PRKAA2: variants seen among roughly 807,000 people sequenced by gnomAD.
PRKAA2 encodes 5'-AMP-activated protein kinase catalytic subunit alpha-2.
A neutral mutation model predicts 56.3 loss-of-function variants in PRKAA2; 40 were observed. That is an observed-to-expected ratio of 0.71 (90% CI 0.55 to 0.92). The LOEUF (loss-of-function observed/expected upper bound fraction) is 0.92, where lower values mean the gene tolerates loss of function less well. PRKAA2 is among the 40% of genes least tolerant of loss of function. The probability of loss-of-function intolerance (pLI) is 0.00; values close to 1 mark genes in which losing one functional copy is unlikely to be tolerated. For synonymous variants in PRKAA2, 214 were observed against 234.2 expected, an observed-to-expected ratio of 0.91 and a Z score of 0.79; for missense variants, 542 against 686.9, an observed-to-expected ratio of 0.79 and a Z score of 2.36.
chr1:56,707,617 C>A lies in PRKAA2; in HGVS notation c.1563C>A (p.Thr521=). 6.2e-7 allele frequency: 1 copy of A among 1,614,004 alleles called. No individual in the cohort carries two copies. Among genetic ancestry groups the A allele is most frequent in the Non-Finnish European group, 8.5e-7 (1 of 1,179,950 alleles). The change falls in exon 9 of 9, where the codon ACC becomes ACA. Residue 521 remains threonine (T), a synonymous_variant. Transcript: ENST00000371244. The stretch of plus-strand genomic sequence containing the variant: ...CTGGCTCTCTCACTGGCTCTTTGAC[C>A]GGAAGCACATTGTCTTCAGTTTCAC... ...SLSGSLTGSL[T]GSTLSSVSPR...
intron 2 of PRKAA2, among the ~76,000 whole-genome samples, chr1:56,680,897 G>A (rs1174573384): frequency 6.6e-6 from 1 of 152,158 alleles, no homozygotes; most frequent in Non-Finnish European, 1.5e-5. Context: ...CGGGTCAAAT[G>A]GTATTTCTAG....
intron 1 of PRKAA2, among the ~76,000 whole-genome samples, chr1:56,669,482 A>G (rs1175051239): frequency 6.6e-6 from 1 of 151,844 alleles, no homozygotes; most frequent in Non-Finnish European, 1.5e-5. Flanking sequence ...TTTTGGGGAC[A>G]TGCTGCTTGG....
At position 56,691,401 on chromosome 1, in the gene PRKAA2, G is replaced by C; in HGVS notation, c.244G>C (p.Val82Leu). 3 of 1,609,898 alleles carry C rather than the reference G, an allele frequency of 1.9e-6. No homozygotes were observed. Among genetic ancestry groups the C allele is most frequent in the Non-Finnish European group, 2.5e-6 (3 of 1,177,458 alleles). The stretch of plus-strand genomic sequence containing the variant: ...TTTTAATTAACAAAAAAGATACCAG[G>C]TGATCAGCACTCCAACAGATTTTTT... ...RHPHIIKLYQ[V>L]ISTPTDFFMV... Residue 82 changes from valine to leucine, a missense_variant, in exon 3 of 9, where the codon GTG (valine) becomes CTG (leucine). Around this residue, in one of 5 missense-constraint regions of PRKAA2, gnomAD observed 121 missense variants for 210.0 expected, o/e 0.58. Transcript: ENST00000371244.
At chr1:56,687,592 TG>T (rs1433443595) in intron 2 of PRKAA2, among the ~76,000 whole-genome samples, 1 of 152,124 alleles carries the variant, frequency 6.6e-6, no homozygotes, top group East Asian at 1.9e-4. Context: ...GTGATGGGTT[TG>T]TAGGTATTAC....
At position 56,689,897 on chromosome 1, in the gene PRKAA2, GACACACACACACAC is replaced by G. The variant is rs3034077; in HGVS notation, c.237-1470_237-1457del. Among the ~76,000 whole-genome samples the G allele has an allele frequency of 2.1e-3, 310 of 147,140 alleles. 1 individual carries two copies. The highest frequency in any genetic ancestry group is 7.0e-3 in the African/African-American group (280 of 39,958). On this transcript the variant is annotated intron_variant, in intron 2 of 8. Transcript: ENST00000371244. ...GGATGCCTAGAAACACAGACACACA[GACACACACACACAC>G]ACACACACACACACACACACACACA...
chr1:56,665,939 TCTG>T (rs1235798544), intron 1 of PRKAA2, among the ~76,000 whole-genome samples: 2 of 152,190 alleles, frequency 1.3e-5, no homozygotes, highest in Non-Finnish European at 2.9e-5. Context: ...TATTTTTTCT[TCTG>T]ATTCTTTTCC....
At chr1:56,705,926 C>T (rs1247235636) in intron 7 of PRKAA2, among the ~76,000 whole-genome samples, 166 bp from the exon 8 acceptor site, 1 of 152,030 alleles carries the variant, frequency 6.6e-6, no homozygotes, top group Non-Finnish European at 1.5e-5. Flanking sequence ...CCATACAGTA[C>T]TGCTTAGTGG....
intron 6 of PRKAA2, among the ~76,000 whole-genome samples, chr1:56,703,711 T>C (rs1287664683): frequency 2.0e-5 from 3 of 152,228 alleles, no homozygotes; most frequent in African/African-American, 7.2e-5. Flanking sequence ...GCAACAAATA[T>C]TGCTGGTTGT....
chr1:56,681,842 C>CT (rs1164756693), intron 2 of PRKAA2, among the ~76,000 whole-genome samples: 2 of 152,062 alleles, frequency 1.3e-5, no homozygotes, highest in African/African-American at 4.8e-5. Context: ...AATGTGGGCT[C>CT]TTTTTTGGTT....
At chr1:56,670,999 T>C (rs1332236050) in intron 1 of PRKAA2, among the ~76,000 whole-genome samples, 4 of 152,190 alleles carry the variant, frequency 2.6e-5, no homozygotes, top group Non-Finnish European at 5.9e-5. Context: ...TCAACGTTTC[T>C]TGCATATGCT....
intron 2 of PRKAA2, among the ~76,000 whole-genome samples, chr1:56,687,758 T>C (rs1644201673): frequency 6.6e-6 from 1 of 152,178 alleles, no homozygotes; most frequent in Admixed American, 6.5e-5. Flanking sequence ...TTCTAAAATC[T>C]CAATAGATTT....
At chr1:56,674,599 T>C (rs573031785) in intron 2 of PRKAA2, 77 bp downstream of exon 2, 1 of 1,217,448 alleles carries the variant, frequency 8.2e-7, no homozygotes, top group Non-Finnish European at 1.1e-6. Context: ...TAATAATTGT[T>C]AATTGTTAAC....
intron 6 of PRKAA2, among the ~76,000 whole-genome samples, chr1:56,703,770 T>A (rs1190729632): frequency 6.6e-6 from 1 of 152,234 alleles, no homozygotes. Flanking sequence ...GAAAATGTTG[T>A]CCAAATGCCA....
At chr1:56,649,833 G>T in intron 1 of PRKAA2, among the ~76,000 whole-genome samples, 1 of 152,142 alleles carries the variant, frequency 6.6e-6, no homozygotes, top group East Asian at 1.9e-4. Flanking sequence ...GGCGGCTCAC[G>T]CCTGTAATCC....
chr1:56,693,948 A>G, intron 5 of PRKAA2, 96 bp downstream of exon 5: 2 of 764,602 alleles, frequency 2.6e-6, no homozygotes, highest in Admixed American at 2.7e-5. Flanking sequence ...AGATTTTAAC[A>G]TGGTAGAAAT....
chr1:56,657,855 G>A (rs1354646586), intron 1 of PRKAA2, among the ~76,000 whole-genome samples: 1 of 152,052 alleles, frequency 6.6e-6, no homozygotes, highest in African/African-American at 2.4e-5. Flanking sequence ...CAATTTTTCA[G>A]GAGGAAAGAA....
At chr1:56,677,750 A>G (rs1026366434) in intron 2 of PRKAA2, among the ~76,000 whole-genome samples, 2 of 150,820 alleles carry the variant, frequency 1.3e-5, no homozygotes, top group African/African-American at 4.9e-5. Flanking sequence ...TTCGCTTCCC[A>G]GATTCAAATG....
chr1:56,665,028 A>G (rs1468803205), intron 1 of PRKAA2, among the ~76,000 whole-genome samples: 1 of 151,310 alleles, frequency 6.6e-6, no homozygotes, highest in Non-Finnish European at 1.5e-5. Flanking sequence ...TAGGCCCCAG[A>G]ATTGTCTGGT....
In PRKAA2 at chr1:56,702,039, T is replaced by C. The variant is rs112826298; in HGVS notation, c.789-1932T>C. ...CAGGGCCTGGCACACCAGTATTTCT[T>C]ACTTGGACTATTGCAACTAGCATCA... On this transcript the variant is annotated intron_variant, in intron 6 of 8. Transcript: ENST00000371244. Among the ~76,000 whole-genome samples, 922 of 152,278 alleles carry C rather than the reference T, an allele frequency of 6.1e-3. 9 individuals are homozygous for C. Among genetic ancestry groups the C allele is most frequent in the African/African-American group, 0.021 (883 of 41,564 alleles).
Sources: gnomAD v4.1 joint callset for allele counts (sites outside exome capture counted in the v4.1 genomes callset) on GRCh38, gnomAD v4.1.1 for gene constraint, gnomAD v4.1.1 regional missense constraint, MANE v1.5 for transcripts, NCBI Gene and HGNC (gene_info 2026-07-23, HGNC 2026-07-21) for gene names.